MACROD2: variants seen among roughly 807,000 people sequenced by gnomAD.
MACROD2 encodes mono-ADP ribosylhydrolase 2.
In MACROD2, 36 loss-of-function variants were observed where a neutral mutation model predicts 70.4. That is an observed-to-expected ratio of 0.51 (90% CI 0.39 to 0.68). The LOEUF (loss-of-function observed/expected upper bound fraction) is 0.68. Among genes scored for constraint, MACROD2 ranks in the 30% least tolerant of loss-of-function variants. The pLI, the probability that MACROD2 is intolerant of heterozygous loss-of-function variation, is 0.00. For synonymous variants in MACROD2, 172 were observed against 178.8 expected (o/e 0.96, Z 0.30); for missense variants, 496 against 538.4 (o/e 0.92, Z 0.78).
chr20:15,546,659 C>G (rs1025430750), intron 8 of MACROD2, among the ~76,000 whole-genome samples: 2 of 152,178 alleles, frequency 1.3e-5, no homozygotes, highest in Admixed American at 6.5e-5. Flanking sequence ...GACAGAGGAG[C>G]TTTTGATCTT....
intron 10 of MACROD2, among the ~76,000 whole-genome samples, chr20:15,895,698 C>A (rs960563901): frequency 2.0e-5 from 3 of 152,198 alleles, no homozygotes; most frequent in African/African-American, 7.2e-5. Context: ...GCAATGGCAA[C>A]CTTTACTTAC....
At chr20:14,962,638 C>G (rs1273260229) in intron 5 of MACROD2, among the ~76,000 whole-genome samples, 1 of 151,342 alleles carries the variant, frequency 6.6e-6, no homozygotes, top group Non-Finnish European at 1.5e-5. Flanking sequence ...AATACCTCCT[C>G]TTCCTCTTTT....
Position 14,835,891 on chromosome 20 carries a change from G to A in MACROD2, c.418+150932G>A, listed in dbSNP as rs570993123. ...TTTTCTTAGCTACACTCTTCCGCAT[G>A]TAGCTTATTTAGGAAAAGTCGGGCA... On this transcript the variant is annotated intron_variant, in intron 5 of 17. Coordinates refer to ENST00000684519, the MANE Select transcript of MACROD2 (RefSeq NM_001351661.2). Among the ~76,000 whole-genome samples the A allele has an allele frequency of 2.6e-5, 4 of 152,122 alleles. No homozygotes were observed. In the East Asian group the frequency reaches 7.7e-4, roughly 29 times the overall value.
At chr20:14,337,805 A>T (rs562967844) in intron 3 of MACROD2, among the ~76,000 whole-genome samples, 1 of 152,322 alleles carries the variant, frequency 6.6e-6, no homozygotes, top group South Asian at 2.1e-4. Flanking sequence ...CAAAGCTAGG[A>T]TGCCATTTGG....
chr20:14,883,197 A>G (rs1035655096), intron 5 of MACROD2, among the ~76,000 whole-genome samples: 1 of 152,304 alleles, frequency 6.6e-6, no homozygotes, highest in Admixed American at 6.5e-5. Flanking sequence ...CTGTAATTAC[A>G]TGTGGGAAAT....
rs6110736 is a variant in MACROD2 at position 15,686,054 on chromosome 20, G to C, written c.646-176691G>C. On this transcript the variant is annotated intron_variant, in intron 8 of 17. Coordinates refer to ENST00000684519, the MANE Select transcript of MACROD2 (RefSeq NM_001351661.2). ...AGTAATGAAGGATGAAATGAATAGG[G>C]CATGACCTACAAGGGAAAAGTCACA... Among the ~76,000 whole-genome samples, 858 of 152,264 alleles carry C rather than the reference G, an allele frequency of 5.6e-3. 9 individuals are homozygous for C. Among genetic ancestry groups the C allele is most frequent in the African/African-American group, 0.02 (827 of 41,548 alleles).
At chr20:14,876,004 A>C (rs2073546554) in intron 5 of MACROD2, among the ~76,000 whole-genome samples, 1 of 152,138 alleles carries the variant, frequency 6.6e-6, no homozygotes, top group African/African-American at 2.4e-5. Context: ...TTGCTGGGTC[A>C]AATTGTAGTT....
intron 5 of MACROD2, among the ~76,000 whole-genome samples, chr20:14,762,739 G>C (rs2072033100): frequency 6.6e-6 from 1 of 152,028 alleles, no homozygotes; most frequent in African/African-American, 2.4e-5. Context: ...AGACCAGCCT[G>C]TGCAACATGA....
chr20:14,541,443 T>C (rs543210661), intron 4 of MACROD2, among the ~76,000 whole-genome samples: 1 of 152,264 alleles, frequency 6.6e-6, no homozygotes, highest in Non-Finnish European at 1.5e-5. Flanking sequence ...ATACCATGCT[T>C]TACTTTTCTC....
intron 3 of MACROD2, among the ~76,000 whole-genome samples, chr20:14,470,896 G>T (rs867759696): frequency 6.6e-6 from 1 of 152,164 alleles, no homozygotes; most frequent in African/African-American, 2.4e-5. Flanking sequence ...AGACCACTTG[G>T]TTCCCTGGCT....
intron 5 of MACROD2, among the ~76,000 whole-genome samples, chr20:15,103,415 C>T (rs1245799833): frequency 1.3e-5 from 2 of 152,080 alleles, no homozygotes; most frequent in Admixed American, 1.3e-4. Context: ...CCAGATGTGC[C>T]TAATATGCTT....
intron 5 of MACROD2, among the ~76,000 whole-genome samples, chr20:14,873,774 G>A (rs930160555): frequency 5.9e-5 from 9 of 152,048 alleles, no homozygotes; most frequent in African/African-American, 7.2e-5. Flanking sequence ...CAGGAGAATC[G>A]CTTGAACCCA....
At chr20:15,655,839 A>G (rs1212387715) in intron 8 of MACROD2, among the ~76,000 whole-genome samples, 3 of 152,230 alleles carry the variant, frequency 2.0e-5, no homozygotes, top group African/African-American at 7.2e-5. Flanking sequence ...TATGGTGTAT[A>G]TCTTATGTAA....
chr20:15,051,283 A>G (rs868292105), intron 5 of MACROD2, among the ~76,000 whole-genome samples: 1 of 150,884 alleles, frequency 6.6e-6, no homozygotes, highest in African/African-American at 2.4e-5. Flanking sequence ...GTTTCCCCCA[A>G]CTTTATCAGT....
chr20:15,549,235 A>C (rs868109843), intron 8 of MACROD2, among the ~76,000 whole-genome samples: 36 of 152,228 alleles, frequency 2.4e-4, no homozygotes, highest in African/African-American at 8.4e-4. Flanking sequence ...GAAATGGGCT[A>C]ATTCTTCTTC....
chr20:15,484,035 A>T (rs2047132685), intron 7 of MACROD2, among the ~76,000 whole-genome samples: 1 of 101,640 alleles, frequency 9.8e-6, no homozygotes, highest in Non-Finnish European at 2.2e-5. Context: ...CTTTCCCATC[A>T]TTATGCCTTT....
intron 5 of MACROD2, among the ~76,000 whole-genome samples, chr20:15,112,152 T>C (rs1232039711): frequency 6.6e-6 from 1 of 152,210 alleles, no homozygotes; most frequent in African/African-American, 2.4e-5. Context: ...GTCTATTCAT[T>C]GTTGCAGAGA....
intron 5 of MACROD2, among the ~76,000 whole-genome samples, chr20:14,996,646 A>G (rs2074952100): frequency 6.6e-6 from 1 of 152,208 alleles, no homozygotes; most frequent in Non-Finnish European, 1.5e-5. Context: ...CTCATCCCCC[A>G]GCAGCAGTGG....
At chr20:15,093,854 C>A (rs1238874920) in intron 5 of MACROD2, among the ~76,000 whole-genome samples, 4 of 152,092 alleles carry the variant, frequency 2.6e-5, no homozygotes, top group Non-Finnish European at 5.9e-5. Flanking sequence ...GTTCTAAGTG[C>A]TTTACCTTAT....
Sources: allele counts gnomAD v4.1 joint callset (sites outside exome capture counted in the v4.1 genomes callset), GRCh38; gene constraint gnomAD v4.1.1; transcripts MANE v1.5; gene names NCBI Gene and HGNC (gene_info 2026-07-23, HGNC 2026-07-21).